Variants in POU2F3 observed in about 807,000 individuals in gnomAD.
POU2F3 encodes the protein POU domain, class 2, transcription factor 3.
A neutral mutation model predicts 59.2 loss-of-function variants in POU2F3; 23 were observed. The observed-to-expected ratio is 0.39, with a 90% confidence interval of 0.28 to 0.55. The LOEUF (loss-of-function observed/expected upper bound fraction) is 0.55, where lower values mean the gene tolerates loss of function less well. Among genes scored for constraint, POU2F3 ranks in the 20% least tolerant of loss-of-function variants. The probability of loss-of-function intolerance (pLI) is 0.66; values close to 1 mark genes in which losing one functional copy is unlikely to be tolerated. For missense variants in POU2F3, 473 were observed against 544.5 expected, an observed-to-expected ratio of 0.87 and a Z score of 1.31; for synonymous variants, 190 against 214.6, an observed-to-expected ratio of 0.89 and a Z score of 1.00.
intron 9 of POU2F3, among the ~76,000 whole-genome samples, chr11:120,309,168 C>T (rs1385579009): frequency 6.6e-6 from 1 of 152,032 alleles, no homozygotes; most frequent in Non-Finnish European, 1.5e-5. Flanking sequence ...AGTTTACACA[C>T]ATTTTCTCAT....
rs115781737 is a variant in POU2F3 at position 120,263,790 on chromosome 11, C to T, written c.98-5420C>T. ...CTGTCCTTTTCTGGTTTTTCTGCAGCGGCAGCCATCTTCCAAAGACGGAGC... is the reference window on the plus strand; with the variant it reads ...CTGTCCTTTTCTGGTTTTTCTGCAGTGGCAGCCATCTTCCAAAGACGGAGC... On this transcript the variant is annotated intron_variant, in intron 2 of 12. Transcript: ENST00000543440. Among the ~76,000 whole-genome samples the T allele has an allele frequency of 3.3e-3, 506 of 152,232 alleles. 4 individuals are homozygous for T. The highest frequency in any genetic ancestry group is 0.012 in the African/African-American group (479 of 41,548).
intron 1 of POU2F3, among the ~76,000 whole-genome samples, chr11:120,242,644 C>T (rs1480063017): frequency 1.3e-5 from 2 of 152,172 alleles, no homozygotes; most frequent in Non-Finnish European, 2.9e-5. Flanking sequence ...TAGGCTTGCT[C>T]CCGGGTCGCC....
upstream of POU2F3, among the ~76,000 whole-genome samples, chr11:120,240,005 C>T (rs928826519): frequency 2.0e-5 from 3 of 152,128 alleles, no homozygotes; most frequent in Non-Finnish European, 4.4e-5. Flanking sequence ...CCCGGCAGCA[C>T]CCCCGGCCCC....
chr11:120,242,819 G>A (rs1938721160), intron 1 of POU2F3, among the ~76,000 whole-genome samples: 1 of 152,160 alleles, frequency 6.6e-6, no homozygotes, highest in African/African-American at 2.4e-5. Context: ...GCAGGCAGAG[G>A]GTCACCAGAC....
At chr11:120,308,088 G>A (rs1941549754) in intron 9 of POU2F3, among the ~76,000 whole-genome samples, 1 of 152,186 alleles carries the variant, frequency 6.6e-6, no homozygotes, top group Non-Finnish European at 1.5e-5. Flanking sequence ...ATCGCCAAAT[G>A]CCATCTGACC....
chr11:120,305,504 A>C, intron 7 of POU2F3, 140 bp from the exon 8 acceptor site: 1 of 1,290,982 alleles, frequency 7.7e-7, no homozygotes. Flanking sequence ...GAGGGAGGAG[A>C]CTTGGAAAGG....
intron 3 of POU2F3, among the ~76,000 whole-genome samples, chr11:120,297,899 T>C (rs564636112): frequency 2.7e-4 from 41 of 151,300 alleles, no homozygotes; most frequent in African/African-American, 9.2e-4. Flanking sequence ...GCCTCCCAAG[T>C]AGCTGGGACT....
Position 120,318,386 on chromosome 11 carries a change from C to T in POU2F3, c.1305C>T (p.Leu435=), listed in dbSNP as rs1262431591. ...SWYRWNHSTY[L]H ...ACCGATGGAATCATTCCACCTACCT[C>T]CACTGAGACCAAAAAGTTTCTCCTA... The change falls in exon 13 of 13, where the codon CTC becomes CTT. Residue 435 remains leucine (L), a synonymous_variant. Coordinates refer to ENST00000543440, the MANE Select transcript of POU2F3 (RefSeq NM_014352.4). 1.9e-6 allele frequency: 3 copies of T among 1,602,994 alleles called. No homozygotes were observed. Among genetic ancestry groups the T allele is most frequent in the Non-Finnish European group, 2.6e-6 (3 of 1,169,806 alleles).
intron 2 of POU2F3, among the ~76,000 whole-genome samples, chr11:120,265,129 C>T (rs551830926): frequency 4.6e-5 from 7 of 152,276 alleles, no homozygotes; most frequent in Non-Finnish European, 8.8e-5. Flanking sequence ...GTCCAGTGAC[C>T]ACGGAAGGAA....
upstream of POU2F3, chr11:120,236,655 A>C (rs772287493): frequency 3.0e-5 from 45 of 1,488,268 alleles, no homozygotes; most frequent in Admixed American, 3.9e-5. Flanking sequence ...TCCAGCCCAG[A>C]GCTCAAAAAA....
chr11:120,313,343 G>A (rs1483185195), intron 10 of POU2F3, among the ~76,000 whole-genome samples: 2 of 152,186 alleles, frequency 1.3e-5, no homozygotes, highest in African/African-American at 4.8e-5. Context: ...AGCACTGGGG[G>A]TGCACCAGTG....
intron 8 of POU2F3, 105 bp from the exon 9 acceptor site, chr11:120,307,374 C>T: frequency 7.6e-7 from 1 of 1,323,568 alleles, no homozygotes; most frequent in East Asian, 2.3e-5. Context: ...CCTGAAAATG[C>T]CACTGCAGAG....
chr11:120,243,363 G>T (rs943110746), intron 1 of POU2F3, among the ~76,000 whole-genome samples: 5 of 152,074 alleles, frequency 3.3e-5, no homozygotes, highest in Non-Finnish European at 7.4e-5. Context: ...CCTGCAGCCT[G>T]TGGGGAGTGC....
At chr11:120,264,575 T>TG (rs1008517638) in intron 2 of POU2F3, among the ~76,000 whole-genome samples, 1 of 152,160 alleles carries the variant, frequency 6.6e-6, no homozygotes, top group Non-Finnish European at 1.5e-5. Context: ...CTCCACCTTT[T>TG]GGGGGGGTGG....
intron 8 of POU2F3, among the ~76,000 whole-genome samples, chr11:120,307,105 C>A (rs1941514770): frequency 6.6e-6 from 1 of 152,228 alleles, no homozygotes; most frequent in Admixed American, 6.5e-5. Flanking sequence ...AAACAGCAGC[C>A]TCACGAGCAT....
At chr11:120,305,426 C>A (rs1428082429) in intron 7 of POU2F3, 3 of 902,096 alleles carry the variant, frequency 3.3e-6, no homozygotes, top group African/African-American at 3.4e-5. Context: ...AAGGGGCTGG[C>A]TCTCCTGAGC....
chr11:120,241,502 T>C (rs1298548952), intron 1 of POU2F3, among the ~76,000 whole-genome samples: 1 of 152,134 alleles, frequency 6.6e-6, no homozygotes, highest in Non-Finnish European at 1.5e-5. Context: ...AGTGAGATGT[T>C]GGCACTGAGT....
chr11:120,318,065 C>G (rs1043869248), intron 12 of POU2F3, among the ~76,000 whole-genome samples: 3 of 152,192 alleles, frequency 2.0e-5, no homozygotes, highest in Non-Finnish European at 4.4e-5. Context: ...CGCTCCTCAC[C>G]TACCCCTACT....
At chr11:120,264,609 C>T (rs141541325) in intron 2 of POU2F3, among the ~76,000 whole-genome samples, 72 of 152,304 alleles carry the variant, frequency 4.7e-4, no homozygotes, top group African/African-American at 1.7e-3. Context: ...GAACCCAGCT[C>T]TGCAGTTTAG....
Sources: allele counts gnomAD v4.1 joint callset (sites outside exome capture counted in the v4.1 genomes callset), GRCh38; gene constraint gnomAD v4.1.1; transcripts MANE v1.5; gene names NCBI Gene and HGNC (gene_info 2026-07-23, HGNC 2026-07-21).